Variants in TCHH observed in about 807,000 individuals in gnomAD.
TCHH encodes trichohyalin.
In TCHH, 6 loss-of-function variants were observed where a neutral mutation model predicts 6.3. The ratio of observed to expected loss-of-function variants is 0.95; its 90% CI spans 0.52 to 1.88. The LOEUF is 1.88. Ranked by LOEUF, TCHH falls within the 40% of genes most tolerant of loss-of-function variation. The pLI, the probability that TCHH is intolerant of heterozygous loss-of-function variation, is 0.01. For missense variants in TCHH, 2,920 were observed against 2,449.1 expected, an observed-to-expected ratio of 1.19 and a Z score of -4.06; for synonymous variants, 1,087 against 963.6, an observed-to-expected ratio of 1.13 and a Z score of -2.37.
chr1:152,110,612 G>T lies in TCHH; in HGVS notation c.2605C>A (p.Arg869Ser). 1.2e-6 allele frequency: 2 copies of T among 1,614,108 alleles called. No homozygotes were observed. The highest frequency in any genetic ancestry group is 1.7e-6 in the Non-Finnish European group (2 of 1,180,014). ...DQERRRSQEQ[R>S]RDQKWRWQLE... ...TGCCACCTCCATTTTTGGTCGCGGC[G>T]CTGCTCCTGGCTTCGCCTCCTCTCC... The change falls in exon 3 of 3, where the codon CGC (arginine) becomes AGC (serine). Residue 869 changes from arginine (R) to serine (S), a missense_variant. By Grantham distance (110) the Arg-to-Ser change is moderately radical. Coordinates refer to ENST00000614923, the MANE Select transcript of TCHH (RefSeq NM_007113.4).
chr1:152,113,888 A>G (rs1658447376), intron 2 of TCHH, 55 bp downstream of exon 2: 1 of 1,589,668 alleles, frequency 6.3e-7, no homozygotes. Flanking sequence ...GTCTCCTCTG[A>G]GAATAAATCT....
intron 2 of TCHH, among the ~76,000 whole-genome samples, chr1:152,113,503 A>C (rs1658440391): frequency 6.6e-6 from 1 of 152,260 alleles, no homozygotes; most frequent in Non-Finnish European, 1.5e-5. Context: ...AGAGAGATAC[A>C]ATAGAAATTT....
In TCHH at chr1:152,106,624, A is replaced by T. The variant is rs1658113143; in HGVS notation, c.*761T>A. 1 of 152,366 alleles carries T rather than the reference A, an allele frequency of 6.6e-6. No homozygotes were observed. The highest frequency in any genetic ancestry group is 2.4e-5 in the African/African-American group (1 of 41,588). 9.4% of individuals were successfully genotyped at this position (152,366 alleles called of 1,614,324 possible). On this transcript the variant is annotated 3_prime_UTR_variant, in exon 3 of 3. Transcript: ENST00000614923. ...CATCAAAACTTGGGGAAGTAGAATG[A>T]ACACTATAGACTACAACAGACACAG... is the stretch of plus-strand genomic sequence containing the variant.
At position 152,108,520 on chromosome 1, in the gene TCHH, T is replaced by C. The variant is rs779256126; in HGVS notation, c.4697A>G (p.Glu1566Gly). ...GCGGCTCAGCTGCTGTTCCTCCCTC[T>C]CCTGGCGCAGCTGTTCCTCCTCGCG... ...KFREEEQLRQ[E>G]REEQQLSRQE... The change falls in exon 3 of 3, where the codon GAG becomes GGG. Residue 1566 changes from glutamate (E) to glycine (G), a missense_variant. Physicochemically the swap from Glu to Gly is moderately conservative, Grantham distance 98 (BLOSUM62 -2). Transcript: ENST00000614923. 1.3e-6 allele frequency: 2 copies of C among 1,597,102 alleles called. No individual in the cohort carries two copies. The highest frequency in any genetic ancestry group is 1.7e-6 in the Non-Finnish European group (2 of 1,174,292).
Position 152,109,120 on chromosome 1 carries a change from T to G in TCHH, c.4097A>C (p.Glu1366Ala). 1 of 1,613,658 alleles carries G rather than the reference T, an allele frequency of 6.2e-7. No homozygotes were observed. The highest frequency in any genetic ancestry group is 8.5e-7 in the Non-Finnish European group (1 of 1,179,834). Residue 1366 changes from glutamate (E) to alanine (A), a missense_variant, in exon 3 of 3, where the codon GAA becomes GCA. Physicochemically the swap from Glu to Ala is moderately radical, Grantham distance 107. Coordinates refer to ENST00000614923, the MANE Select transcript of TCHH (RefSeq NM_007113.4). ...TCTCCCTTGTTCCTGATGGCGCAGTTCCTCTTCGCGGAATTTTCTGTCACG... is the reference window on the plus strand; with the variant it reads ...TCTCCCTTGTTCCTGATGGCGCAGTGCCTCTTCGCGGAATTTTCTGTCACG... ...QERDRKFREE[E>A]LRHQEQGRKF...
In TCHH at chr1:152,111,015, C is replaced by A. The variant is rs746285380; in HGVS notation, c.2202G>T (p.Glu734Asp). Residue 734 changes from glutamate (E) to aspartate (D), a missense_variant, in exon 3 of 3, where the codon GAG becomes GAT. Physicochemically the swap from Glu to Asp is conservative, Grantham distance 45 (BLOSUM62 2). Coordinates refer to ENST00000614923, the MANE Select transcript of TCHH (RefSeq NM_007113.4). ...RKQEGQRRRQ[E>D]QEEKRRRRES... ...CCCGGCGCCGCCTCTTTTCCTCCTG[C>A]TCTTGGCGGCGCCTCTGCCCTTCCT... The A allele has an allele frequency of 8.7e-6, 14 of 1,613,354 alleles. No individual in the cohort carries two copies. The highest frequency in any genetic ancestry group is 1.1e-5 in the Non-Finnish European group (13 of 1,179,952).
chr1:152,110,653 C>T lies in TCHH; in HGVS notation c.2564G>A (p.Gly855Asp), dbSNP rs771575794. The part of the protein sequence containing the change: ...RAQQLQEEED[G>D]LQEDQERRRS... ...CCTCCTCTCCTGATCCTCCTGGAGGCCGTCCTCCTCCTCCTGGAGCTGTTG... is the reference window on the plus strand; with the variant it reads ...CCTCCTCTCCTGATCCTCCTGGAGGTCGTCCTCCTCCTCCTGGAGCTGTTG... The change falls in exon 3 of 3, where the codon GGC becomes GAC. Residue 855 changes from glycine to aspartate, a missense_variant. Physicochemically the swap from Gly to Asp is moderately conservative, Grantham distance 94. Coordinates refer to ENST00000614923, the MANE Select transcript of TCHH (RefSeq NM_007113.4). The T allele has an allele frequency of 5.0e-6, 8 of 1,613,282 alleles. No homozygotes were observed. Among genetic ancestry groups the T allele is most frequent in the African/African-American group, 2.7e-5 (2 of 74,732 alleles).
At position 152,111,546 on chromosome 1, in the gene TCHH, C is replaced by T; in HGVS notation, c.1671G>A (p.Arg557=). The T allele has an allele frequency of 6.3e-7, 1 of 1,587,444 alleles. No individual in the cohort carries two copies. Among genetic ancestry groups the T allele is most frequent in the Non-Finnish European group, 8.6e-7 (1 of 1,163,556 alleles). Residue 557 remains arginine, a synonymous_variant, in exon 3 of 3, where the codon AGG becomes AGA. Coordinates refer to ENST00000614923, the MANE Select transcript of TCHH (RefSeq NM_007113.4). ...GCTGCTCTCGCCTCTCCTGCTCGAG[C>T]CTCTTCTCCTCCTCGCGCTTCAGCA... is the stretch of plus-strand genomic sequence containing the variant. ...EQLLKREEEK[R]LEQERREQRL...
Position 152,109,190 on chromosome 1 carries a change from G to C in TCHH, c.4027C>G (p.Gln1343Glu), listed in dbSNP as rs1557809475. Residue 1343 changes from glutamine to glutamate, a missense_variant, in exon 3 of 3, where the codon CAG becomes GAG. Gln to Glu is a conservative substitution (Grantham distance 29). Transcript: ENST00000614923. ...TGTTCCTCCCTTTCCTGGAGCAGCT[G>C]TTCCTCCTCGCGGAATTTTCTGTCT... Reference protein sequence around the residue: ...ETDRKFREEEQLLQEREEQPL... With the variant: ...ETDRKFREEEELLQEREEQPL... 1.9e-6 allele frequency: 3 copies of C among 1,614,124 alleles called. No homozygotes were observed. The highest frequency in any genetic ancestry group is 3.3e-5 in the Admixed American group (2 of 60,032).
chr1:152,111,413 G>C lies in TCHH; in HGVS notation c.1804C>G (p.Leu602Val), dbSNP rs1220789695. Residue 602 changes from leucine to valine, a missense_variant, in exon 3 of 3, where the codon CTG becomes GTG. Leu to Val is a conservative substitution (Grantham distance 32, BLOSUM62 1). Coordinates refer to ENST00000614923, the MANE Select transcript of TCHH (RefSeq NM_007113.4). ...REQEERLEQR[L>V]KREEVERLEQ... ...AGTCTCTCCACCTCCTCGCGCTTCA[G>C]TCGCTGCTCGAGCCTCTCTTCCTGC... The C allele has an allele frequency of 3.1e-6, 5 of 1,602,206 alleles. No individual in the cohort carries two copies. The highest frequency in any genetic ancestry group is 1.7e-6 in the Non-Finnish European group (2 of 1,176,876).
Position 152,108,274 on chromosome 1 carries a change from T to G in TCHH, c.4943A>C (p.Glu1648Ala). ...CTCCTGGCGGCGCAGCTGCGGTTCC[T>G]CCTCGAGGAATTTTCTGTCACGCTC... is the stretch of plus-strand genomic sequence containing the variant. The part of the protein sequence containing the change: ...RQERDRKFLE[E>A]EPQLRRQERE... Residue 1648 changes from glutamate to alanine, a missense_variant, in exon 3 of 3, where the codon GAG (glutamate) becomes GCG (alanine). Coordinates refer to ENST00000614923, the MANE Select transcript of TCHH (RefSeq NM_007113.4). 6.2e-7 allele frequency: 1 copy of G among 1,613,232 alleles called. No individual in the cohort carries two copies. The highest frequency in any genetic ancestry group is 8.5e-7 in the Non-Finnish European group (1 of 1,179,752).
chr1:152,110,329 T>C lies in TCHH; in HGVS notation c.2888A>G (p.Asp963Gly). The change falls in exon 3 of 3, where the codon GAT becomes GGT. Residue 963 changes from aspartate (D) to glycine (G), a missense_variant. Coordinates refer to ENST00000614923, the MANE Select transcript of TCHH (RefSeq NM_007113.4). The stretch of plus-strand genomic sequence containing the variant: ...CTCTTCCTTCTGCTGCAGCTTCTTA[T>C]CCTTCCGATATTGCCTTTCCCGCTC... Reference protein sequence around the residue: ...RQERERQYRKDKKLQQKEEQL... With the variant: ...RQERERQYRKGKKLQQKEEQL... 1 of 1,610,896 alleles carries C rather than the reference T, an allele frequency of 6.2e-7. No homozygotes were observed. Among genetic ancestry groups the C allele is most frequent in the Non-Finnish European group, 8.5e-7 (1 of 1,178,760 alleles).
Position 152,108,813 on chromosome 1 carries a change from C to A in TCHH, c.4404G>T (p.Gln1468His), listed in dbSNP as rs1237064817. The change falls in exon 3 of 3, where the codon CAG becomes CAT. Residue 1468 changes from glutamine (Q) to histidine (H), a missense_variant. Gln to His is a conservative substitution (Grantham distance 24). Transcript: ENST00000614923. ...GCTGTTCTTCCCTTTCCTGGAGCAG[C>A]TGTTCCTCTTCGCGGAATTTTCTGT... ...ERHRKFREEE[Q>H]LLQEREEQQL... The A allele has an allele frequency of 1.9e-6, 3 of 1,612,412 alleles. No homozygotes were observed. Among genetic ancestry groups the A allele is most frequent in the Admixed American group, 3.3e-5 (2 of 59,834 alleles).
Position 152,110,566 on chromosome 1 carries a change from C to G in TCHH, c.2651G>C (p.Arg884Thr), listed in dbSNP as rs1553194348. The G allele has an allele frequency of 3.1e-6, 5 of 1,614,170 alleles. No individual in the cohort carries two copies. The highest frequency in any genetic ancestry group is 1.7e-5 in the Admixed American group (1 of 60,030). The change falls in exon 3 of 3, where the codon AGA becomes ACA. Residue 884 changes from arginine (R) to threonine (T), a missense_variant. Physicochemically the swap from Arg to Thr is moderately conservative, Grantham distance 71 (BLOSUM62 -1). Transcript: ENST00000614923. ...CTTGGCGTACAGCGTGTGGCGGCGT[C>G]TCTTCCTTTCTTCTTCTAGTTGCCA... ...WRWQLEEERKRRRHTLYAKPA... is the reference protein window; with the variant it reads ...WRWQLEEERKTRRHTLYAKPA...
chr1:152,107,518 T>A lies in TCHH; in HGVS notation c.5699A>T (p.Glu1900Val). The A allele has an allele frequency of 6.2e-7, 1 of 1,614,196 alleles. No individual in the cohort carries two copies. The highest frequency in any genetic ancestry group is 8.5e-7 in the Non-Finnish European group (1 of 1,180,032). ...KEEQRHRQVG[E>V]IKSQEGKGHG... ...GCCCTTCCCTTCTTGGGATTTTATC[T>A]CCCCGACTTGGCGGTGCCTCTGTTC... Residue 1900 changes from glutamate to valine, a missense_variant, in exon 3 of 3, where the codon GAG becomes GTG. Transcript: ENST00000614923.
Position 152,108,529 on chromosome 1 carries a change from A to AGCT in TCHH, c.4685_4687dup (p.Gln1562dup), listed in dbSNP as rs1658195245. 1.3e-6 allele frequency: 2 copies of AGCT among 1,596,300 alleles called. No homozygotes were observed. The highest frequency in any genetic ancestry group is 2.9e-5 in the African/African-American group (2 of 69,368). On this transcript the variant is annotated inframe_insertion, in exon 3 of 3. Transcript: ENST00000614923. ...CTGCTGTTCCTCCCTCTCCTGGCGC[A>AGCT]GCTGTTCCTCCTCGCGGAATTTTCT... is the stretch of plus-strand genomic sequence containing the variant.
rs972673432 is a variant in TCHH, at chr1:152,108,385, T to G, written c.4832A>C (p.Gln1611Pro). ...TCTGTCGCGCTCCTGGCGCAGCTGT[T>G]GTTGGCCCTCCTGGCGGCGCAGCTG... Reference protein sequence around the residue: ...EQQLRRQEGQQQLRQERDRKF... With the variant: ...EQQLRRQEGQPQLRQERDRKF... Residue 1611 changes from glutamine to proline, a missense_variant, in exon 3 of 3, where the codon CAA becomes CCA. Transcript: ENST00000614923. 9 of 1,606,970 alleles carry G rather than the reference T, an allele frequency of 5.6e-6. No individual in the cohort carries two copies. In the South Asian group the frequency reaches 8.8e-5, roughly 16 times the overall value.
chr1:152,108,515 C>T lies in TCHH; in HGVS notation c.4702G>A (p.Glu1568Lys), dbSNP rs1553194033. The T allele has an allele frequency of 5.6e-6, 9 of 1,611,264 alleles. No individual in the cohort carries two copies. The South Asian group carries it at 6.6e-5, about 12-fold the overall frequency. ...REEEQLRQER[E>K]EQQLSRQERD... ...TCTTGGCGGCTCAGCTGCTGTTCCT[C>T]CCTCTCCTGGCGCAGCTGTTCCTCC... is the stretch of plus-strand genomic sequence containing the variant. The change falls in exon 3 of 3, where the codon GAG (glutamate) becomes AAG (lysine). Residue 1568 changes from glutamate to lysine, a missense_variant. Transcript: ENST00000614923.
At position 152,107,668 on chromosome 1, in the gene TCHH, T is replaced by C. The variant is rs768243335; in HGVS notation, c.5549A>G (p.Gln1850Arg). 6.2e-7 allele frequency: 1 copy of C among 1,614,190 alleles called. No individual in the cohort carries two copies. The highest frequency in any genetic ancestry group is 8.5e-7 in the Non-Finnish European group (1 of 1,180,046). The part of the protein sequence containing the change: ...ERDRQYRAEE[Q>R]FATQEKSRRE... ...ACGACTCTTCTCCTGCGTGGCAAACTGCTCCTCCGCCCGGTACTGCCGGTC... is the reference window on the plus strand; with the variant it reads ...ACGACTCTTCTCCTGCGTGGCAAACCGCTCCTCCGCCCGGTACTGCCGGTC... The change falls in exon 3 of 3, where the codon CAG becomes CGG. Residue 1850 changes from glutamine (Q) to arginine (R), a missense_variant. Coordinates refer to ENST00000614923, the MANE Select transcript of TCHH (RefSeq NM_007113.4).
Sources: allele counts gnomAD v4.1 joint callset (sites outside exome capture counted in the v4.1 genomes callset), GRCh38; gene constraint gnomAD v4.1.1; transcripts MANE v1.5; gene names NCBI Gene and HGNC (gene_info 2026-07-23, HGNC 2026-07-21).